Variants in OSBPL10 observed in about 807,000 individuals in gnomAD.
OSBPL10 encodes oxysterol-binding protein-related protein 10.
Under a neutral mutation model 81.7 loss-of-function variants are expected in OSBPL10, and 49 were observed. That is an observed-to-expected ratio of 0.60 (90% confidence interval 0.48 to 0.76). The LOEUF (loss-of-function observed/expected upper bound fraction) is 0.76. OSBPL10 is among the 30% of genes least tolerant of loss of function. The pLI, the probability that OSBPL10 is intolerant of heterozygous loss-of-function variation, is 0.00. For missense variants in OSBPL10, 923 were observed against 987.8 expected (o/e 0.93, Z 0.88); for synonymous variants, 419 against 383.6 (o/e 1.09, Z -1.08).
intron 2 of OSBPL10, among the ~76,000 whole-genome samples, chr3:32,011,094 T>C (rs937143763): frequency 2.0e-5 from 3 of 152,166 alleles, no homozygotes; most frequent in African/African-American, 7.2e-5. Flanking sequence ...AAGAGAGTAG[T>C]GGTTCTCCCA....
At chr3:31,784,075 A>C (rs1454756191) in intron 4 of OSBPL10, among the ~76,000 whole-genome samples, 1 of 151,392 alleles carries the variant, frequency 6.6e-6, no homozygotes, top group Non-Finnish European at 1.5e-5. Context: ...GCAGTGGCTC[A>C]CGCATGTAAT....
At chr3:31,895,630 A>T in intron 1 of OSBPL10, among the ~76,000 whole-genome samples, 1 of 152,116 alleles carries the variant, frequency 6.6e-6, no homozygotes, top group East Asian at 1.9e-4. Flanking sequence ...ACAATTCCTA[A>T]CTGATAATCC....
At chr3:31,917,566 GTC>G (rs1194435919) in intron 1 of OSBPL10, among the ~76,000 whole-genome samples, 1 of 150,846 alleles carries the variant, frequency 6.6e-6, no homozygotes. Context: ...GCTTTTGAGA[GTC>G]TCTCTGAACC....
chr3:32,015,373 A>T (rs1262778070), intron 2 of OSBPL10, among the ~76,000 whole-genome samples: 2 of 152,362 alleles, frequency 1.3e-5, no homozygotes, highest in Admixed American at 1.3e-4. Flanking sequence ...TAAATGGTGC[A>T]GGGAAAACTG....
At chr3:31,889,718 G>A (rs1407668007) in intron 1 of OSBPL10, among the ~76,000 whole-genome samples, 4 of 152,050 alleles carry the variant, frequency 2.6e-5, no homozygotes, top group African/African-American at 4.8e-5. Flanking sequence ...ATAGCTAGAC[G>A]GGAGGATTTC....
intron 1 of OSBPL10, among the ~76,000 whole-genome samples, chr3:31,935,624 A>G (rs1205017822): frequency 6.6e-6 from 1 of 151,694 alleles, no homozygotes; most frequent in Non-Finnish European, 1.5e-5. Context: ...CCTGGGTTCA[A>G]GCGATTCTCC....
intron 3 of OSBPL10, among the ~76,000 whole-genome samples, chr3:31,837,333 ATATATAT>A (rs1487859229): frequency 3.4e-4 from 6 of 17,478 alleles, no homozygotes; most frequent in African/African-American, 1.1e-3. Context: ...ATATATATAT[ATATATAT>A]ATATATATAT....
At chr3:32,023,413 A>T (rs938197250) in intron 2 of OSBPL10, among the ~76,000 whole-genome samples, 3 of 152,164 alleles carry the variant, frequency 2.0e-5, no homozygotes, top group Admixed American at 6.6e-5. Context: ...CTCCCCAGCC[A>T]TGTGAAACTG....
chr3:31,859,984 A>G (rs987655983), intron 3 of OSBPL10, among the ~76,000 whole-genome samples: 2 of 152,198 alleles, frequency 1.3e-5, no homozygotes, highest in African/African-American at 2.4e-5. Flanking sequence ...ACTTACTCCA[A>G]TAACAGTTCC....
At position 31,997,294 on chromosome 3, in the gene OSBPL10, C is replaced by T. The variant is rs182419679; in HGVS notation, n.298+49197G>A. 9.0e-4 allele frequency among the ~76,000 whole-genome samples: 137 copies of T among 151,648 alleles called. 1 individual carries two copies. The highest frequency in any genetic ancestry group is 1.6e-3 in the Non-Finnish European group (111 of 67,946). ...TTTTTTTTCAAGATGGAGTCTCGCC[C>T]TCACTCTGTCGCCAGGCTGGAGTGC... On this transcript the variant is annotated intron_variant and non_coding_transcript_variant, in intron 2 of 3. Transcript: ENST00000479173.
At chr3:31,926,501 G>A (rs6810302) in intron 1 of OSBPL10, among the ~76,000 whole-genome samples, 36,445 of 151,952 alleles carry the variant, frequency 0.24, 4,469 homozygotes, top group Non-Finnish European at 0.28. Flanking sequence ...ACTTCACCTC[G>A]CTTCCTCATG....
rs138913388 is a variant in OSBPL10 at position 31,790,409 on chromosome 3, G to A, written c.729+39631C>T. ...AGAACCCATGAACCCCTGAGTATGC[G>A]CTCAAGAAGAAATGTGTCCTCAATC... On this transcript the variant is annotated intron_variant, in intron 4 of 11. Transcript: ENST00000396556. 3.9e-5 allele frequency among the ~76,000 whole-genome samples: 6 copies of A among 152,202 alleles called. No individual in the cohort carries two copies. In the East Asian group the frequency reaches 7.7e-4, roughly 20 times the overall value.
At chr3:31,854,566 C>CACTATATATATATATATAAT in intron 3 of OSBPL10, among the ~76,000 whole-genome samples, 2 of 152,214 alleles carry the variant, frequency 1.3e-5, no homozygotes, top group South Asian at 2.1e-4. Context: ...TATAATTTTA[C>CACTATATATATATATATAAT]AGTTTTATAT....
At chr3:32,054,984 T>C (rs1272239709) in intron 1 of OSBPL10, among the ~76,000 whole-genome samples, 1 of 152,132 alleles carries the variant, frequency 6.6e-6, no homozygotes, top group African/African-American at 2.4e-5. Flanking sequence ...TCTGATAACT[T>C]TGGAGACTGC....
intron 4 of OSBPL10, among the ~76,000 whole-genome samples, chr3:31,790,688 G>A (rs941136513): frequency 2.6e-5 from 4 of 152,070 alleles, no homozygotes; most frequent in South Asian, 2.1e-4. Flanking sequence ...AGGTCTGACC[G>A]CAAAGCCTGA....
intron 4 of OSBPL10, among the ~76,000 whole-genome samples, chr3:31,802,448 C>A (rs1699406971): frequency 6.6e-6 from 1 of 151,016 alleles, no homozygotes; most frequent in African/African-American, 2.4e-5. Flanking sequence ...CACCTGTAAT[C>A]CCAGGAACTT....
intron 3 of OSBPL10, among the ~76,000 whole-genome samples, chr3:31,871,014 C>T (rs913094721): frequency 7.9e-5 from 12 of 152,166 alleles, no homozygotes; most frequent in Non-Finnish European, 1.5e-4. Flanking sequence ...CACCAATCAG[C>T]GCCCTGTCAA....
chr3:32,059,785 G>A (rs530965936), intron 1 of OSBPL10, among the ~76,000 whole-genome samples: 1 of 151,012 alleles, frequency 6.6e-6, no homozygotes, highest in African/African-American at 2.4e-5. Context: ...GGTGGCACAT[G>A]CCTGTAGTCC....
chr3:31,809,888 T>TTTTTTTTTTTTTTTTTTTTTG (rs1699630861), intron 4 of OSBPL10, among the ~76,000 whole-genome samples: 1 of 149,104 alleles, frequency 6.7e-6, no homozygotes, highest in African/African-American at 2.5e-5. Flanking sequence ...TTTTTTTTTT[T>TTTTTTTTTTTTTTTTTTTTTG]GAGATGGAGT....
Sources: gnomAD v4.1 joint callset for allele counts (sites outside exome capture counted in the v4.1 genomes callset) on GRCh38, gnomAD v4.1.1 for gene constraint, MANE v1.5 for transcripts, NCBI Gene and HGNC (gene_info 2026-07-23, HGNC 2026-07-21) for gene names.